The following STAG1 variants were observed in gnomAD, a reference collection of about 807,000 sequenced individuals.
STAG1 encodes STAG1 cohesin complex component.
A neutral mutation model predicts 170.9 loss-of-function variants in STAG1; 26 were observed. That is an observed-to-expected ratio of 0.15 (90% CI 0.11 to 0.21). The LOEUF is 0.21. STAG1 is among the 10% of genes least tolerant of loss of function. The probability of loss-of-function intolerance (pLI) is 1.00; values close to 1 mark genes in which losing one functional copy is unlikely to be tolerated. For synonymous variants in STAG1, 514 were observed against 497.7 expected, an observed-to-expected ratio of 1.03 and a Z score of -0.44; for missense variants, 964 against 1,509.5, an observed-to-expected ratio of 0.64 and a Z score of 5.99.
chr3:136,620,824 T>C (rs1285877440), intron 3 of STAG1, among the ~76,000 whole-genome samples: 1 of 152,206 alleles, frequency 6.6e-6, no homozygotes, highest in African/African-American at 2.4e-5. Context: ...GGCATGAACA[T>C]GCACTATTTA....
intron 21 of STAG1, among the ~76,000 whole-genome samples, chr3:136,405,988 T>C (rs2087473203): frequency 6.6e-6 from 1 of 152,054 alleles, no homozygotes. Flanking sequence ...CAGTTTCTAA[T>C]AAAGTTAAAT....
At chr3:136,744,157 G>C (rs962772755) in intron 1 of STAG1, among the ~76,000 whole-genome samples, 1 of 152,112 alleles carries the variant, frequency 6.6e-6, no homozygotes, top group African/African-American at 2.4e-5. Context: ...GAGAAACCCC[G>C]TCTCTACTAA....
intron 21 of STAG1, among the ~76,000 whole-genome samples, chr3:136,403,800 A>C (rs1339230447): frequency 6.6e-6 from 1 of 152,170 alleles, no homozygotes; most frequent in Non-Finnish European, 1.5e-5. Context: ...GTCAGGGGTT[A>C]TGAGGGAACA....
chr3:136,354,159 C>T (rs1029616100), intron 28 of STAG1, among the ~76,000 whole-genome samples: 1 of 152,034 alleles, frequency 6.6e-6, no homozygotes, highest in Admixed American at 6.6e-5. Flanking sequence ...ATAATTATAA[C>T]AATTTATTAT....
At chr3:136,407,946 TAAC>T (rs1324613150) in intron 21 of STAG1, among the ~76,000 whole-genome samples, 1 of 151,498 alleles carries the variant, frequency 6.6e-6, no homozygotes, top group African/African-American at 2.4e-5. Flanking sequence ...TCCAACAGTA[TAAC>T]TGGTGTACAA....
intron 28 of STAG1, among the ~76,000 whole-genome samples, chr3:136,353,731 A>T (rs1576381495): frequency 6.6e-6 from 1 of 152,204 alleles, no homozygotes; most frequent in Non-Finnish European, 1.5e-5. Flanking sequence ...CCTGCCTACT[A>T]AAGGAAGTTA....
At chr3:136,475,922 G>C (rs759264744) in intron 10 of STAG1, among the ~76,000 whole-genome samples, 5 of 152,154 alleles carry the variant, frequency 3.3e-5, no homozygotes, top group Non-Finnish European at 4.4e-5. Context: ...TGATACTAAA[G>C]ACCAGGCCTA....
intron 1 of STAG1, among the ~76,000 whole-genome samples, chr3:136,730,016 G>A (rs1361106630): frequency 6.6e-6 from 1 of 150,940 alleles, no homozygotes; most frequent in African/African-American, 2.4e-5. Flanking sequence ...GGCCTCCTGA[G>A]TAGCTGGGAC....
intron 6 of STAG1, among the ~76,000 whole-genome samples, chr3:136,537,802 A>G (rs1029762120): frequency 1.3e-5 from 2 of 152,076 alleles, no homozygotes; most frequent in African/African-American, 4.8e-5. Flanking sequence ...GGCCAATAGT[A>G]TCTATTTTTA....
intron 6 of STAG1, among the ~76,000 whole-genome samples, chr3:136,536,172 T>C (rs1339745623): frequency 6.6e-6 from 1 of 152,100 alleles, no homozygotes. Flanking sequence ...TCATAATGAG[T>C]GATGTCTCAG....
At chr3:136,383,539 T>A (rs1327885451) in intron 22 of STAG1, among the ~76,000 whole-genome samples, 1 of 152,208 alleles carries the variant, frequency 6.6e-6, no homozygotes, top group East Asian at 1.9e-4. Context: ...ACAATAATAA[T>A]AAAAGTTAAC....
At chr3:136,620,508 TAG>T (rs1939794735) in intron 3 of STAG1, among the ~76,000 whole-genome samples, 1 of 152,236 alleles carries the variant, frequency 6.6e-6, no homozygotes, top group African/African-American at 2.4e-5. Context: ...TGTGTGACCT[TAG>T]GCAAATTACC....
chr3:136,688,209 T>G (rs1269442652), intron 1 of STAG1, among the ~76,000 whole-genome samples: 7 of 152,102 alleles, frequency 4.6e-5, no homozygotes, highest in African/African-American at 1.7e-4. Flanking sequence ...GTCAATACCT[T>G]TCAGCATGTC....
At chr3:136,645,552 G>C (rs1311780649) in intron 1 of STAG1, among the ~76,000 whole-genome samples, 31 of 152,112 alleles carry the variant, frequency 2.0e-4, no homozygotes, top group Admixed American at 2.0e-3. Context: ...TTCTTCAAAA[G>C]TATCCTAGAA....
chr3:136,420,459 A>G (rs1559790553), intron 20 of STAG1, among the ~76,000 whole-genome samples: 1 of 152,034 alleles, frequency 6.6e-6, no homozygotes, highest in Non-Finnish European at 1.5e-5. Context: ...TGGCTTCCCA[A>G]AGTGCTGGGA....
chr3:136,740,515 T>C (rs940404270), intron 1 of STAG1, among the ~76,000 whole-genome samples: 5 of 152,138 alleles, frequency 3.3e-5, no homozygotes, highest in Non-Finnish European at 7.4e-5. Context: ...GAGTCTCACT[T>C]TGTCACCCAG....
intron 13 of STAG1, among the ~76,000 whole-genome samples, chr3:136,461,978 A>G (rs2089287223): frequency 6.6e-6 from 1 of 152,284 alleles, no homozygotes; most frequent in Middle Eastern, 3.4e-3. Context: ...GAAAGTGCAA[A>G]TAAGAAATCA....
intron 22 of STAG1, among the ~76,000 whole-genome samples, chr3:136,380,075 T>C (rs567790775): frequency 6.6e-6 from 1 of 152,302 alleles, no homozygotes; most frequent in South Asian, 2.1e-4. Flanking sequence ...ACCATCACCC[T>C]ACAAAGTAAA....
intron 1 of STAG1, among the ~76,000 whole-genome samples, chr3:136,732,107 T>C (rs957200040): frequency 1.3e-5 from 2 of 152,056 alleles, no homozygotes; most frequent in African/African-American, 4.8e-5. Context: ...CCCAGAGAAG[T>C]AATCAATCAA....
Sources: allele counts gnomAD v4.1 joint callset (sites outside exome capture counted in the v4.1 genomes callset), GRCh38; gene constraint gnomAD v4.1.1; transcripts MANE v1.5; gene names NCBI Gene and HGNC (gene_info 2026-07-23, HGNC 2026-07-21).